The following ELK3 variants were observed in gnomAD, a reference collection of about 807,000 sequenced individuals.
ELK3 encodes ETS transcription factor ELK3.
ELK3 carries 10 observed loss-of-function variants against 28.9 expected under a neutral mutation model. The observed-to-expected ratio is 0.35, with a 90% CI of 0.21 to 0.59. ELK3 has a LOEUF of 0.59. Among genes scored for constraint, ELK3 ranks in the 20% least tolerant of loss-of-function variants. The pLI is 0.82. For synonymous variants in ELK3, 272 were observed against 243.5 expected (o/e 1.12, Z -1.09); for missense variants, 463 against 517.3 (o/e 0.90, Z 1.02).
chr12:96,223,319 TGTG>T (rs913188091), intron 1 of ELK3, among the ~76,000 whole-genome samples: 3 of 152,152 alleles, frequency 2.0e-5, no homozygotes, highest in Admixed American at 6.5e-5. Flanking sequence ...CGTGGGGACA[TGTG>T]GTGAATAGAG....
intron 4 of ELK3, among the ~76,000 whole-genome samples, chr12:96,264,031 C>G (rs535141325): frequency 2.6e-5 from 4 of 152,150 alleles, no homozygotes; most frequent in Admixed American, 6.5e-5. Flanking sequence ...GGCTGGAGTG[C>G]GGTGGCACAA....
intron 1 of ELK3, among the ~76,000 whole-genome samples, chr12:96,200,439 A>G (rs965657478): frequency 1.3e-5 from 2 of 152,018 alleles, no homozygotes; most frequent in Admixed American, 6.6e-5. Context: ...CTTAAGTGTT[A>G]TTGTATACAT....
At chr12:96,237,023 T>C (rs1951789943) in intron 2 of ELK3, among the ~76,000 whole-genome samples, 1 of 152,222 alleles carries the variant, frequency 6.6e-6, no homozygotes, top group Admixed American at 6.5e-5. Flanking sequence ...CTTCCCTGTG[T>C]GTGTCTTTCT....
chr12:96,240,090 A>C (rs1396959482), intron 2 of ELK3, among the ~76,000 whole-genome samples: 1 of 152,202 alleles, frequency 6.6e-6, no homozygotes, highest in East Asian at 1.9e-4. Context: ...GGCACAATAT[A>C]ATATAAGCCT....
At chr12:96,223,494 C>A in intron 1 of ELK3, 71 bp from the exon 2 acceptor site, 1 of 1,484,536 alleles carries the variant, frequency 6.7e-7, no homozygotes, top group Non-Finnish European at 9.4e-7. Flanking sequence ...CATTCTGAAG[C>A]CCCCTCTCTC....
chr12:96,245,254 C>G (rs541186115), intron 2 of ELK3, among the ~76,000 whole-genome samples: 1 of 152,238 alleles, frequency 6.6e-6, no homozygotes, highest in African/African-American at 2.4e-5. Flanking sequence ...TTTTTAGAAC[C>G]ACACTATGAT....
Position 96,262,543 on chromosome 12 carries a change from G to A in ELK3, c.1125+2690G>A, listed in dbSNP as rs368723601. ...GAAAAAAAAGACAAGCTGGTATTCC[G>A]GATGGCTGACAGGTTGTATGGCCTT... is the stretch of plus-strand genomic sequence containing the variant. On this transcript the variant is annotated intron_variant, in intron 4 of 4. Transcript: ENST00000228741. Among the ~76,000 whole-genome samples the A allele has an allele frequency of 1.1e-4, 17 of 152,030 alleles. No individual in the cohort carries two copies. The East Asian group carries it at 1.9e-3, about 17-fold the overall frequency.
At chr12:96,214,356 G>C (rs1308227374) in intron 1 of ELK3, among the ~76,000 whole-genome samples, 1 of 151,188 alleles carries the variant, frequency 6.6e-6, no homozygotes. Context: ...ACTTGAACCT[G>C]GGAGGCGGAG....
chr12:96,205,036 T>C (rs947752427), intron 1 of ELK3, among the ~76,000 whole-genome samples: 1 of 152,190 alleles, frequency 6.6e-6, no homozygotes, highest in Non-Finnish European at 1.5e-5. Context: ...AATGGGACAA[T>C]AGGTGACTTC....
rs1951819263 is a variant in ELK3, at chr12:96,241,320, A to G, written c.208-5620A>G. 2.6e-5 allele frequency among the ~76,000 whole-genome samples: 4 copies of G among 152,268 alleles called. No homozygotes were observed. In the South Asian group the frequency reaches 8.3e-4, roughly 32 times the overall value. On this transcript the variant is annotated intron_variant, in intron 2 of 4. Transcript: ENST00000228741. ...GCATCTTTTCATTACCTAGCACTGC[A>G]TATGCTTTTTTTAAATTACAAAACT...
At chr12:96,219,610 T>C (rs570396514) in intron 1 of ELK3, among the ~76,000 whole-genome samples, 354 of 152,284 alleles carry the variant, frequency 2.3e-3, no homozygotes, top group African/African-American at 8.0e-3. Flanking sequence ...CCTGTCCCCC[T>C]ACCCAAACCT....
At chr12:96,231,041 T>C (rs1951737978) in intron 2 of ELK3, among the ~76,000 whole-genome samples, 1 of 152,234 alleles carries the variant, frequency 6.6e-6, no homozygotes, top group Non-Finnish European at 1.5e-5. Context: ...TGCCTGTGGC[T>C]GAGCCCGTGA....
intron 1 of ELK3, among the ~76,000 whole-genome samples, chr12:96,211,489 GTGTGT>G (rs1951578827): frequency 5.8e-5 from 1 of 17,348 alleles, no homozygotes; most frequent in South Asian, 1.8e-3. Flanking sequence ...TTGTGTGTTT[GTGTGT>G]GTGTGTGTGT....
chr12:96,267,407 G>T lies in ELK3; in HGVS notation c.*227G>T, dbSNP rs913026227. The T allele has an allele frequency of 2.4e-6, 1 of 418,576 alleles. No individual in the cohort carries two copies. 25.9% of individuals were successfully genotyped at this position (418,576 alleles called of 1,614,324 possible). A position where few individuals can be genotyped will look rare whatever the true frequency, so the allele number is the denominator to read the frequency against. On this transcript the variant is annotated 3_prime_UTR_variant, in exon 5 of 5. Transcript: ENST00000228741. ...GCATTAAGTGAATTTTAATGTTTTTGTTTTTATATCCTTTTAGCTCTTAAG... is the reference window on the plus strand; with the variant it reads ...GCATTAAGTGAATTTTAATGTTTTTTTTTTTATATCCTTTTAGCTCTTAAG...
intron 2 of ELK3, among the ~76,000 whole-genome samples, chr12:96,226,687 CAT>C (rs773238556): frequency 9.8e-4 from 147 of 150,410 alleles, no homozygotes; most frequent in African/African-American, 2.3e-3. Flanking sequence ...TATGCACAGA[CAT>C]GTGCACACGC....
At chr12:96,230,469 G>GAAA (rs897617050) in intron 2 of ELK3, among the ~76,000 whole-genome samples, 1 of 152,114 alleles carries the variant, frequency 6.6e-6, no homozygotes, top group Non-Finnish European at 1.5e-5. Flanking sequence ...ATCCTAAAAG[G>GAAA]AAACTGCTCC....
chr12:96,199,201 C>G (rs1432651913), intron 1 of ELK3, among the ~76,000 whole-genome samples: 1 of 152,144 alleles, frequency 6.6e-6, no homozygotes, highest in Non-Finnish European at 1.5e-5. Flanking sequence ...GAAGAGAAAC[C>G]AGGTTAAACT....
At chr12:96,257,547 G>C (rs1951959871) in intron 3 of ELK3, among the ~76,000 whole-genome samples, 1 of 152,186 alleles carries the variant, frequency 6.6e-6, no homozygotes, top group African/African-American at 2.4e-5. Flanking sequence ...GCATATGATG[G>C]CCATGGAGGA....
intron 2 of ELK3, among the ~76,000 whole-genome samples, chr12:96,230,964 A>C (rs1216921353): frequency 1.3e-5 from 2 of 152,190 alleles, no homozygotes; most frequent in Non-Finnish European, 2.9e-5. Context: ...AGGGAGCGGC[A>C]TGTTTTGCAA....
Sources: gnomAD v4.1 joint callset for allele counts (sites outside exome capture counted in the v4.1 genomes callset) on GRCh38, gnomAD v4.1.1 for gene constraint, MANE v1.5 for transcripts, NCBI Gene and HGNC (gene_info 2026-07-23, HGNC 2026-07-21) for gene names.